Variants in IL1RAPL2 observed in about 807,000 individuals in gnomAD.
The protein encoded by IL1RAPL2 is interleukin 1 receptor accessory protein like 2.
A neutral mutation model predicts 44.1 loss-of-function variants in IL1RAPL2; 3 were observed. The ratio of observed to expected loss-of-function variants is 0.07; its 90% confidence interval spans 0.03 to 0.18. The LOEUF is 0.18. IL1RAPL2 is among the 10% of genes least tolerant of loss of function. The probability of loss-of-function intolerance (pLI) is 1.00; values close to 1 mark genes in which losing one functional copy is unlikely to be tolerated. For synonymous variants in IL1RAPL2, 181 were observed against 178.8 expected (o/e 1.01, Z -0.10); for missense variants, 391 against 496.4 (o/e 0.79, Z 2.02).
chrX:105,327,612 C>T (rs1213227849), intron 5 of IL1RAPL2, among the ~76,000 whole-genome samples: 1 of 111,430 alleles, frequency 9.0e-6, no homozygotes, highest in Non-Finnish European at 1.9e-5. Flanking sequence ...GTATAAGATT[C>T]CTTCTAGATA....
chrX:105,690,529 T>C (rs944481478), intron 6 of IL1RAPL2, among the ~76,000 whole-genome samples: 3 of 111,568 alleles, frequency 2.7e-5, no homozygotes, highest in Non-Finnish European at 5.7e-5. Context: ...AGAAAAGACA[T>C]AGGTCTTTTA....
chrX:105,204,132 C>G (rs1556149140), intron 3 of IL1RAPL2, among the ~76,000 whole-genome samples: 2 of 110,165 alleles, frequency 1.8e-5, no homozygotes, highest in African/African-American at 6.6e-5. Context: ...GCAGGAAAAT[C>G]AACACTCCAA....
At chrX:105,405,591 G>C (rs1383069693) in intron 5 of IL1RAPL2, 1 of 912,373 alleles carries the variant, frequency 1.1e-6, no homozygotes, top group Non-Finnish European at 1.6e-6. Flanking sequence ...AAAAAGGTGG[G>C]AGGAGGACCA....
At chrX:105,213,106 C>A (rs1345705951) in intron 3 of IL1RAPL2, among the ~76,000 whole-genome samples, 1 of 110,510 alleles carries the variant, frequency 9.0e-6, no homozygotes, top group East Asian at 2.9e-4. Flanking sequence ...AGCAAGGGCA[C>A]AAAACTGGAT....
chrX:105,642,110 A>G (rs758553667), intron 6 of IL1RAPL2, among the ~76,000 whole-genome samples: 3 of 109,525 alleles, frequency 2.7e-5, no homozygotes, highest in South Asian at 4.0e-4. Flanking sequence ...ATAGCCCCCA[A>G]TGGTCTGGAT....
chrX:105,614,809 A>G (rs2037361311), intron 6 of IL1RAPL2, among the ~76,000 whole-genome samples: 2 of 111,905 alleles, frequency 1.8e-5, no homozygotes, highest in African/African-American at 3.3e-5. Flanking sequence ...ACAGGCAACT[A>G]AAGCAAAAAT....
intron 1 of IL1RAPL2, among the ~76,000 whole-genome samples, chrX:104,570,444 C>T (rs191007072): frequency 2.5e-4 from 28 of 111,814 alleles, no homozygotes; most frequent in African/African-American, 9.1e-4. Context: ...AATCCCAGCA[C>T]TTTGGGAGGC....
At chrX:104,823,621 G>A (rs767239869) in intron 2 of IL1RAPL2, among the ~76,000 whole-genome samples, 9 of 108,619 alleles carry the variant, frequency 8.3e-5, no homozygotes, top group African/African-American at 3.0e-4. Flanking sequence ...ACCCAGTAAT[G>A]GGATGGCTGG....
intron 2 of IL1RAPL2, among the ~76,000 whole-genome samples, chrX:104,783,716 T>C (rs185242899): frequency 2.3e-4 from 25 of 108,407 alleles, no homozygotes; most frequent in Admixed American, 2.3e-3. Context: ...ATCTCCACTT[T>C]GACAGCTCTG....
At chrX:104,869,076 T>C (rs192197395) in intron 2 of IL1RAPL2, among the ~76,000 whole-genome samples, 238 of 111,974 alleles carry the variant, frequency 2.1e-3, no homozygotes, top group African/African-American at 7.2e-3. Flanking sequence ...GGTATAACTT[T>C]CTGGCCAATT....
At chrX:105,669,577 G>A (rs1234738491) in intron 6 of IL1RAPL2, among the ~76,000 whole-genome samples, 1 of 111,347 alleles carries the variant, frequency 9.0e-6, no homozygotes, top group African/African-American at 3.3e-5. Context: ...ACAATCACAT[G>A]CAGGTGTAAT....
intron 5 of IL1RAPL2, among the ~76,000 whole-genome samples, chrX:105,431,739 A>C (rs1411544791): frequency 1.8e-5 from 2 of 111,565 alleles, no homozygotes; most frequent in African/African-American, 6.5e-5. Context: ...ACACATAAGA[A>C]ACTGTTTACT....
intron 2 of IL1RAPL2, among the ~76,000 whole-genome samples, chrX:104,968,143 G>T (rs2030162881): frequency 9.0e-6 from 1 of 111,707 alleles, no homozygotes; most frequent in Non-Finnish European, 1.9e-5. Context: ...TCTAATTCAA[G>T]TATTAGTAGA....
intron 6 of IL1RAPL2, among the ~76,000 whole-genome samples, chrX:105,526,944 T>A (rs2036598954): frequency 2.7e-5 from 3 of 111,821 alleles, no homozygotes; most frequent in Admixed American, 1.9e-4. Context: ...TGAATGAATT[T>A]CTGGATTTGA....
chrX:104,676,381 A>C (rs1028077084), intron 2 of IL1RAPL2, among the ~76,000 whole-genome samples: 1 of 111,239 alleles, frequency 9.0e-6, no homozygotes, highest in African/African-American at 3.3e-5. Context: ...CTGGATATGA[A>C]ATTCTGGGTT....
chrX:105,501,717 AG>A lies in IL1RAPL2; in HGVS notation c.772+17331del, dbSNP rs752249411. Among the ~76,000 whole-genome samples, 8 of 112,098 alleles carry A rather than the reference AG, an allele frequency of 7.1e-5. No individual in the cohort carries two copies. The South Asian group carries it at 3.0e-3, about 42-fold the overall frequency. On this transcript the variant is annotated intron_variant, in intron 6 of 10. Transcript: ENST00000372582. ...ATATAATAAATAACCACAAAATCAC[AG>A]TGGCTTAACGTAAGAAAAGTTTACT...
intron 2 of IL1RAPL2, among the ~76,000 whole-genome samples, chrX:105,126,374 C>T (rs1027372769): frequency 9.0e-6 from 1 of 110,671 alleles, no homozygotes; most frequent in Non-Finnish European, 1.9e-5. Flanking sequence ...AGCTTTCTCT[C>T]TGATCTGCCC....
intron 2 of IL1RAPL2, among the ~76,000 whole-genome samples, chrX:104,872,149 G>C (rs1396084376): frequency 9.0e-6 from 1 of 111,441 alleles, no homozygotes; most frequent in Non-Finnish European, 1.9e-5. Flanking sequence ...GTATGAAAGG[G>C]GTATCTCCAG....
At chrX:104,662,405 CT>C (rs1485244393) in intron 2 of IL1RAPL2, among the ~76,000 whole-genome samples, 2 of 111,841 alleles carry the variant, frequency 1.8e-5, no homozygotes, top group Non-Finnish European at 3.8e-5. Context: ...TTTTGGTCTT[CT>C]TCACATAACA....
Sources: gnomAD v4.1 joint callset for allele counts (sites outside exome capture counted in the v4.1 genomes callset) on GRCh38, gnomAD v4.1.1 for gene constraint, MANE v1.5 for transcripts, NCBI Gene and HGNC (gene_info 2026-07-23, HGNC 2026-07-21) for gene names.